Variants in PTPRG observed in about 807,000 individuals in gnomAD.
PTPRG encodes protein tyrosine phosphatase receptor type G.
In PTPRG, 102 loss-of-function variants were observed where a neutral mutation model predicts 165.3. The ratio of observed to expected loss-of-function variants is 0.62; its 90% confidence interval spans 0.53 to 0.73. The LOEUF (loss-of-function observed/expected upper bound fraction) is 0.73. PTPRG is among the 30% of genes least tolerant of loss of function. The probability of loss-of-function intolerance (pLI) is 0.00; values close to 1 mark genes in which losing one functional copy is unlikely to be tolerated. For synonymous variants in PTPRG, 675 were observed against 669.5 expected (o/e 1.01, Z -0.13); for missense variants, 1,866 against 1,861.4 (o/e 1.00, Z -0.05).
intron 2 of PTPRG, among the ~76,000 whole-genome samples, chr3:61,875,244 A>T (rs1347348385): frequency 6.6e-6 from 1 of 152,148 alleles, no homozygotes; most frequent in African/African-American, 2.4e-5. Context: ...CTTTTAGGCC[A>T]CATTCTGGTT....
At chr3:62,094,468 C>T (rs529388486) in intron 5 of PTPRG, among the ~76,000 whole-genome samples, 8 of 152,294 alleles carry the variant, frequency 5.3e-5, no homozygotes, top group South Asian at 2.1e-4. Context: ...GTGCTATGGT[C>T]GTGAGAGCTT....
chr3:62,151,787 A>G (rs1704345710), intron 6 of PTPRG, among the ~76,000 whole-genome samples: 1 of 152,126 alleles, frequency 6.6e-6, no homozygotes, highest in East Asian at 1.9e-4. Flanking sequence ...CAGGATGGGC[A>G]TGGAGTCACA....
chr3:61,989,090 A>C (rs1261006928), intron 2 of PTPRG, among the ~76,000 whole-genome samples: 1 of 152,182 alleles, frequency 6.6e-6, no homozygotes, highest in Non-Finnish European at 1.5e-5. Context: ...CCAAACTGAA[A>C]AATCTTTCAC....
At position 61,792,966 on chromosome 3, in the gene PTPRG, A is replaced by G. The variant is rs138428140; in HGVS notation, c.190+43984A>G. On this transcript the variant is annotated intron_variant, in intron 2 of 29. Coordinates refer to ENST00000474889, the MANE Select transcript of PTPRG (RefSeq NM_002841.4). ...ATGATCTTGATCTCCTGTCCTCATG[A>G]TCTGGCCACTTCGGCCTTCCAAAGT... Among the ~76,000 whole-genome samples, 318 of 152,196 alleles carry G rather than the reference A, an allele frequency of 2.1e-3. 1 individual carries two copies. Among genetic ancestry groups the G allele is most frequent in the African/African-American group, 7.2e-3 (298 of 41,532 alleles).
intron 1 of PTPRG, among the ~76,000 whole-genome samples, chr3:61,645,808 C>G (rs144583123): frequency 4.2e-4 from 64 of 152,320 alleles, no homozygotes; most frequent in Non-Finnish European, 8.2e-4. Flanking sequence ...CAATAACAGG[C>G]AGTTGCCTGA....
intron 1 of PTPRG, among the ~76,000 whole-genome samples, chr3:61,587,879 A>T (rs1391609005): frequency 6.6e-6 from 1 of 151,188 alleles, no homozygotes; most frequent in Non-Finnish European, 1.5e-5. Flanking sequence ...GGCTGGTCTC[A>T]GACTCCTGGG....
At chr3:61,924,646 G>C (rs1263729932) in intron 2 of PTPRG, among the ~76,000 whole-genome samples, 4 of 152,194 alleles carry the variant, frequency 2.6e-5, no homozygotes, top group African/African-American at 9.7e-5. Flanking sequence ...TGAAACAGAA[G>C]ATGGGATGAA....
intron 14 of PTPRG, among the ~76,000 whole-genome samples, chr3:62,243,093 C>T (rs976969346): frequency 3.9e-5 from 6 of 152,100 alleles, no homozygotes; most frequent in Admixed American, 1.3e-4. Context: ...AGCTGAGGGC[C>T]AGCCAGCATC....
chr3:61,936,860 G>A (rs1370142370), intron 2 of PTPRG, among the ~76,000 whole-genome samples: 1 of 152,180 alleles, frequency 6.6e-6, no homozygotes, highest in Non-Finnish European at 1.5e-5. Context: ...CAACCACTGC[G>A]AAAACATCCC....
Position 61,631,124 on chromosome 3 carries a change from A to G in PTPRG, c.85+68752A>G, listed in dbSNP as rs533595624. Among the ~76,000 whole-genome samples, 6 of 152,154 alleles carry G rather than the reference A, an allele frequency of 3.9e-5. 1 individual carries two copies. In the East Asian group the frequency reaches 7.7e-4, roughly 20 times the overall value. On this transcript the variant is annotated intron_variant, in intron 1 of 29. Transcript: ENST00000474889. ...AAATGAAAATTCAAATCTTCAGACT[A>G]TTGGAAGCAGGGAATTGTTATCAGA...
At chr3:62,149,248 T>C (rs1283801552) in intron 6 of PTPRG, among the ~76,000 whole-genome samples, 1 of 149,044 alleles carries the variant, frequency 6.7e-6, no homozygotes, top group Non-Finnish European at 1.5e-5. Context: ...TAACTCCCTC[T>C]GGGGTCCCCC....
chr3:61,725,697 C>G (rs1469895780), intron 1 of PTPRG, among the ~76,000 whole-genome samples: 1 of 146,532 alleles, frequency 6.8e-6, no homozygotes, highest in Non-Finnish European at 1.5e-5. Flanking sequence ...CCTACCTCCA[C>G]CACTACCCCC....
At chr3:62,175,596 A>G (rs1278137428) in intron 8 of PTPRG, among the ~76,000 whole-genome samples, 1 of 152,226 alleles carries the variant, frequency 6.6e-6, no homozygotes, top group Non-Finnish European at 1.5e-5. Flanking sequence ...TTTATTGACC[A>G]TCTACTATAA....
intron 6 of PTPRG, among the ~76,000 whole-genome samples, chr3:62,152,351 C>T (rs1163296341): frequency 6.6e-6 from 1 of 152,028 alleles, no homozygotes; most frequent in Non-Finnish European, 1.5e-5. Context: ...GAGAATCTGT[C>T]TCTAATTTAT....
intron 2 of PTPRG, among the ~76,000 whole-genome samples, chr3:61,929,266 C>G (rs2039301653): frequency 6.6e-6 from 1 of 152,042 alleles, no homozygotes; most frequent in African/African-American, 2.4e-5. Context: ...AGGTTGTTCT[C>G]TCTCTGGGAA....
chr3:61,739,755 G>A (rs546445620), intron 1 of PTPRG, among the ~76,000 whole-genome samples: 2 of 152,316 alleles, frequency 1.3e-5, no homozygotes, highest in South Asian at 4.1e-4. Context: ...GCCAGGCCAT[G>A]GGTGCAAACA....
intron 16 of PTPRG, among the ~76,000 whole-genome samples, chr3:62,259,539 C>T (rs1701631622): frequency 6.6e-6 from 1 of 152,200 alleles, no homozygotes; most frequent in African/African-American, 2.4e-5. Context: ...TTAGTTTCCT[C>T]AGCGTTTTTG....
chr3:61,666,649 G>C (rs1226602268), intron 1 of PTPRG, among the ~76,000 whole-genome samples: 1 of 152,184 alleles, frequency 6.6e-6, no homozygotes, highest in Admixed American at 6.5e-5. Context: ...CAGAGTTGCT[G>C]AAACTCAGCA....
intron 1 of PTPRG, among the ~76,000 whole-genome samples, chr3:61,627,050 A>G (rs9839227): frequency 0.028 from 4,276 of 152,276 alleles, 193 homozygotes; most frequent in African/African-American, 0.096. Context: ...GAGACCTGTC[A>G]CCCAAATGCA....
Sources: gnomAD v4.1 joint callset for allele counts (sites outside exome capture counted in the v4.1 genomes callset) on GRCh38, gnomAD v4.1.1 for gene constraint, MANE v1.5 for transcripts, NCBI Gene and HGNC (gene_info 2026-07-23, HGNC 2026-07-21) for gene names.